CELF4: variants seen among roughly 807,000 people sequenced by gnomAD.
CELF4 encodes the protein CUG-BP- and ETR-3-like factor 4.
Under a neutral mutation model 59.9 loss-of-function variants are expected in CELF4, and 18 were observed. That is an observed-to-expected ratio of 0.30 (90% CI 0.21 to 0.45). CELF4 has a LOEUF of 0.45. Ranked by LOEUF, CELF4 falls within the 20% of genes least tolerant of loss-of-function variation. The probability of loss-of-function intolerance (pLI) is 1.00; values close to 1 mark genes in which losing one functional copy is unlikely to be tolerated. For missense variants in CELF4, 456 were observed against 689.0 expected (o/e 0.66, Z 3.79); for synonymous variants, 261 against 267.1 (o/e 0.98, Z 0.22).
intron 2 of CELF4, among the ~76,000 whole-genome samples, chr18:37,347,023 A>T (rs1008810023): frequency 6.6e-6 from 1 of 150,868 alleles, no homozygotes; most frequent in Non-Finnish European, 1.5e-5. Context: ...CCAAGGCTGA[A>T]GGGGGAGGGA....
At chr18:37,381,054 T>G (rs1040531582) in intron 2 of CELF4, among the ~76,000 whole-genome samples, 17 of 151,230 alleles carry the variant, frequency 1.1e-4, no homozygotes, top group African/African-American at 3.4e-4. Flanking sequence ...CATCCATCCA[T>G]CCATTCCTCT....
At position 37,331,163 on chromosome 18, in the gene CELF4, C is replaced by T. The variant is rs556728927; in HGVS notation, c.370-9282G>A. Among the ~76,000 whole-genome samples the T allele has an allele frequency of 1.5e-4, 23 of 152,308 alleles. No individual in the cohort carries two copies. The South Asian group carries it at 4.8e-3, about 32-fold the overall frequency. ...CCAGCGCTGCGCTGCCTGGGCGGGG[C>T]TGGCTGTCCCTTCTTCCCCCAACGC... On this transcript the variant is annotated intron_variant, in intron 2 of 12. Coordinates refer to ENST00000420428, the MANE Select transcript of CELF4 (RefSeq NM_020180.4).
intron 7 of CELF4, among the ~76,000 whole-genome samples, chr18:37,271,847 C>T (rs1300324520): frequency 1.3e-5 from 2 of 152,150 alleles, no homozygotes; most frequent in Non-Finnish European, 2.9e-5. Context: ...TACCCTGTGT[C>T]CTCCCTATGC....
chr18:37,565,248 C>A (rs1206608466), intron 1 of CELF4, 108 bp downstream of exon 1: 2 of 1,314,052 alleles, frequency 1.5e-6, no homozygotes, highest in Non-Finnish European at 1.0e-6. Flanking sequence ...CGCGCCCGCC[C>A]GAGGCTTCCT....
At chr18:37,546,337 G>A (rs576994512) in intron 1 of CELF4, among the ~76,000 whole-genome samples, 1 of 152,248 alleles carries the variant, frequency 6.6e-6, no homozygotes, top group African/African-American at 2.4e-5. Flanking sequence ...GAAGTGGTGT[G>A]TGGGCAGGTG....
At chr18:37,451,801 C>T (rs2099764909) in intron 2 of CELF4, among the ~76,000 whole-genome samples, 1 of 152,230 alleles carries the variant, frequency 6.6e-6, no homozygotes, top group African/African-American at 2.4e-5. Context: ...ACATCACCCA[C>T]TCCATCCTCT....
In CELF4 at chr18:37,287,135, T is replaced by TA. The variant is rs371298887; in HGVS notation, c.449-11893dup. ...AGGTGACTCGGGCTGGCCCCCGAGA[T>TA]ACGGATTTGAGGGATTGGTTGGGAG... On this transcript the variant is annotated intron_variant, in intron 3 of 12. Transcript: ENST00000420428. Among the ~76,000 whole-genome samples, 445 of 152,256 alleles carry TA rather than the reference T, an allele frequency of 2.9e-3. 1 individual carries two copies. The highest frequency in any genetic ancestry group is 0.01 in the African/African-American group (419 of 41,562).
At chr18:37,357,862 G>A (rs2154558219) in intron 2 of CELF4, among the ~76,000 whole-genome samples, 1 of 152,320 alleles carries the variant, frequency 6.6e-6, no homozygotes, top group Non-Finnish European at 1.5e-5. Flanking sequence ...TCGGACTTGT[G>A]TGGGGCCTTT....
intron 8 of CELF4, among the ~76,000 whole-genome samples, chr18:37,270,216 A>AGGTGCTGGGCTGTCTGT (rs1288456478): frequency 1.8e-4 from 28 of 152,180 alleles, no homozygotes; most frequent in African/African-American, 6.8e-4. Flanking sequence ...GAGCTGTCCA[A>AGGTGCTGGGCTGTCTGT]GGTGCTGGGC....
intron 2 of CELF4, among the ~76,000 whole-genome samples, chr18:37,334,831 C>T (rs534027302): frequency 1.3e-5 from 2 of 152,240 alleles, no homozygotes; most frequent in South Asian, 4.2e-4. Context: ...AAACAAAGCC[C>T]ACACCAAGTA....
chr18:37,397,220 C>A (rs2099256136), intron 2 of CELF4, among the ~76,000 whole-genome samples: 1 of 152,224 alleles, frequency 6.6e-6, no homozygotes, highest in African/African-American at 2.4e-5. Flanking sequence ...TCCCTGAACT[C>A]CTTGCGGTGC....
intron 1 of CELF4, among the ~76,000 whole-genome samples, chr18:37,564,301 C>T (rs550237782): frequency 6.7e-4 from 102 of 152,234 alleles, no homozygotes; most frequent in African/African-American, 2.5e-3. Flanking sequence ...GGAAGCGGAG[C>T]ACTGGGCTAA....
At chr18:37,462,747 C>T (rs559900256) in intron 2 of CELF4, among the ~76,000 whole-genome samples, 7 of 152,068 alleles carry the variant, frequency 4.6e-5, no homozygotes, top group Admixed American at 4.6e-4. Flanking sequence ...ACTTGTCCAA[C>T]CCCTGGCCCA....
At chr18:37,356,446 C>T (rs1569567522) in intron 2 of CELF4, among the ~76,000 whole-genome samples, 1 of 151,848 alleles carries the variant, frequency 6.6e-6, no homozygotes, top group Non-Finnish European at 1.5e-5. Context: ...GCTGGAAAGG[C>T]CAGAGGTGCT....
At position 37,473,986 on chromosome 18, in the gene CELF4, T is replaced by C. The variant is rs1054584877; in HGVS notation, c.369+11539A>G. 16 of 152,320 alleles carry C rather than the reference T, an allele frequency of 1.1e-4. No homozygotes were observed. The Middle Eastern group carries it at 0.01, about 97-fold the overall frequency. The allele number at this position is 152,320 out of a possible 1,614,324, so 9.4% of individuals were successfully genotyped here. A position where few individuals can be genotyped will look rare whatever the true frequency, so the allele number is the denominator to read the frequency against. On this transcript the variant is annotated intron_variant, in intron 2 of 12. Coordinates refer to ENST00000420428, the MANE Select transcript of CELF4 (RefSeq NM_020180.4). ...GGAGAGGGGACCTCTTGGAAACCTT[T>C]TGCATTCCCGATAGAAGGGACAGAG...
intron 1 of CELF4, among the ~76,000 whole-genome samples, chr18:37,489,976 G>A (rs2099895603): frequency 6.6e-6 from 1 of 152,156 alleles, no homozygotes; most frequent in African/African-American, 2.4e-5. Context: ...CAAGGATCCA[G>A]TGTGGCTGCT....
At chr18:37,487,232 T>C (rs1194351303) in intron 1 of CELF4, among the ~76,000 whole-genome samples, 1 of 152,150 alleles carries the variant, frequency 6.6e-6, no homozygotes, top group African/African-American at 2.4e-5. Flanking sequence ...TTTCCTCCCC[T>C]TCCAATGTAG....
intron 3 of CELF4, among the ~76,000 whole-genome samples, chr18:37,291,064 GATGCCTGGC>G (rs1451128936): frequency 3.9e-5 from 6 of 151,984 alleles, no homozygotes; most frequent in African/African-American, 1.5e-4. Context: ...CATGTGCCAC[GATGCCTGGC>G]TAATTTTGTA....
intron 2 of CELF4, among the ~76,000 whole-genome samples, chr18:37,338,792 G>GTGTA (rs1479674438): frequency 1.3e-5 from 2 of 150,922 alleles, no homozygotes; most frequent in African/African-American, 4.9e-5. Flanking sequence ...GTGTGTGTGT[G>GTGTA]TGGTGTGTGT....
Sources: allele counts gnomAD v4.1 joint callset (sites outside exome capture counted in the v4.1 genomes callset), GRCh38; gene constraint gnomAD v4.1.1; transcripts MANE v1.5; gene names NCBI Gene and HGNC (gene_info 2026-07-23, HGNC 2026-07-21).